The following SHPRH variants were observed in gnomAD, a reference collection of about 807,000 sequenced individuals.
SHPRH encodes the protein E3 ubiquitin-protein ligase SHPRH.
Under a neutral mutation model 202.5 loss-of-function variants are expected in SHPRH, and 106 were observed. The observed-to-expected ratio is 0.52, with a 90% confidence interval of 0.45 to 0.62. The LOEUF is 0.62. SHPRH is among the 20% of genes least tolerant of loss of function. The pLI, the probability that SHPRH is intolerant of heterozygous loss-of-function variation, is 0.00. For synonymous variants in SHPRH, 729 were observed against 686.0 expected (o/e 1.06, Z -0.98); for missense variants, 1,710 against 2,020.0 (o/e 0.85, Z 2.94).
intron 8 of SHPRH, 94 bp from the exon 9 acceptor site, chr6:145,943,896 G>C (rs1582791817): frequency 1.4e-5 from 17 of 1,204,304 alleles, no homozygotes; most frequent in Non-Finnish European, 1.1e-6. Context: ...TAATTATGTA[G>C]CAGCCAGTCT....
intron 2 of SHPRH, among the ~76,000 whole-genome samples, chr6:145,866,745 G>C (rs1274183549): frequency 6.6e-6 from 1 of 152,186 alleles, no homozygotes; most frequent in East Asian, 1.9e-4. Flanking sequence ...ACTTATGGAA[G>C]AGAAGGCTTA....
chr6:145,862,749 T>C (rs1215794977), downstream of SHPRH: 2 of 152,214 alleles, frequency 1.3e-5, no homozygotes, highest in African/African-American at 4.8e-5. Flanking sequence ...GAAACAGTAT[T>C]TTCATGTCTG....
At position 145,947,640 on chromosome 6, in the gene SHPRH, G is replaced by A; in HGVS notation, c.1065C>T (p.Ile355=). 1 of 1,611,882 alleles carries A rather than the reference G, an allele frequency of 6.2e-7. No homozygotes were observed. The highest frequency in any genetic ancestry group is 2.2e-5 in the East Asian group (1 of 44,834). The change falls in exon 6 of 30, where the codon ATC becomes ATT. Residue 355 remains isoleucine (I), a synonymous_variant. Coordinates refer to ENST00000275233, the MANE Select transcript of SHPRH (RefSeq NM_001042683.3). ...KLYYNPYTGC[I]IREYPNSGPQ... is the part of the protein sequence containing the mutation. ...GCCCAGAATTTGGGTACTCACGAAT[G>A]ATGCTGAGGAAAAAAACAAGATAAA...
chr6:145,898,820 T>C (rs1188839780), intron 25 of SHPRH, among the ~76,000 whole-genome samples: 2 of 152,088 alleles, frequency 1.3e-5, no homozygotes, highest in Non-Finnish European at 2.9e-5. Flanking sequence ...TAATCCTCTT[T>C]TTTCTTTTTG....
chr6:145,929,212 T>C (rs1785186279), intron 14 of SHPRH, among the ~76,000 whole-genome samples: 1 of 151,940 alleles, frequency 6.6e-6, no homozygotes, highest in African/African-American at 2.4e-5. Flanking sequence ...AAGTCAAATT[T>C]GGAAATACCC....
chr6:145,958,359 T>G (rs1014575928), intron 1 of SHPRH, among the ~76,000 whole-genome samples: 29 of 152,104 alleles, frequency 1.9e-4, no homozygotes, highest in Admixed American at 1.2e-3. Context: ...TTTAGAAATT[T>G]TAATATTAAG....
chr6:145,916,277 A>C (rs1031456678), intron 23 of SHPRH, among the ~76,000 whole-genome samples: 4 of 152,130 alleles, frequency 2.6e-5, no homozygotes, highest in African/African-American at 7.2e-5. Context: ...AAAAATCTGT[A>C]ATCTAAAACG....
intron 2 of SHPRH, among the ~76,000 whole-genome samples, chr6:145,878,626 TTGAC>T (rs1158473536): frequency 6.6e-6 from 1 of 152,218 alleles, no homozygotes; most frequent in East Asian, 1.9e-4. Flanking sequence ...CTTTCTGTTG[TTGAC>T]TATCACTTTT....
At chr6:145,910,273 C>A in intron 25 of SHPRH, 175 bp downstream of exon 25, 1 of 636,088 alleles carries the variant, frequency 1.6e-6, no homozygotes. Context: ...GTTCCTCCTA[C>A]AATTAAAAAT....
downstream of SHPRH, among the ~76,000 whole-genome samples, chr6:145,880,560 T>C (rs949630188): frequency 1.3e-5 from 2 of 151,044 alleles, no homozygotes; most frequent in Non-Finnish European, 2.9e-5. Context: ...CCCTGGGAGG[T>C]TGAGGCTGCA....
intron 13 of SHPRH, among the ~76,000 whole-genome samples, chr6:145,934,441 G>A (rs1433276070): frequency 7.3e-6 from 1 of 137,892 alleles, no homozygotes; most frequent in African/African-American, 3.2e-5. Context: ...ACTCCAGCCT[G>A]GGCAACAAGA....
intron 1 of SHPRH, 104 bp from the exon 2 acceptor site, chr6:145,955,458 T>A (rs1788411573): frequency 1.8e-6 from 2 of 1,130,564 alleles, no homozygotes; most frequent in South Asian, 1.7e-5. Context: ...ATAAACATAA[T>A]ATGAAATCTT....
chr6:145,882,914 A>C (rs893336949), downstream of SHPRH, among the ~76,000 whole-genome samples: 1 of 152,216 alleles, frequency 6.6e-6, no homozygotes, highest in African/African-American at 2.4e-5. Context: ...AAGGGTCAGT[A>C]ATCAGAACTG....
At position 145,948,265 on chromosome 6, in the gene SHPRH, G is replaced by A; in HGVS notation, c.1061+7C>T. 6.5e-7 allele frequency: 1 copy of A among 1,544,684 alleles called. No homozygotes were observed. Among genetic ancestry groups the A allele is most frequent in the Non-Finnish European group, 8.7e-7 (1 of 1,147,310 alleles). Reference sequence around the variant, plus strand: ...AAATCAAGCATATAAGTAAAATTTTGCCTTACCAGCCTGTATATGGATTAT... The same window carrying A: ...AAATCAAGCATATAAGTAAAATTTTACCTTACCAGCCTGTATATGGATTAT... On this transcript the variant is annotated splice_region_variant and intron_variant, in intron 5 of 29. Transcript: ENST00000275233.
At chr6:145,950,518 T>A (rs750904188) in intron 3 of SHPRH, 36 bp from the exon 4 acceptor site, 1 of 1,593,140 alleles carries the variant, frequency 6.3e-7, no homozygotes, top group East Asian at 2.2e-5. Flanking sequence ...CAAAAACTGA[T>A]AGGTTTTTTC....
At chr6:145,944,202 ATC>A in intron 8 of SHPRH, among the ~76,000 whole-genome samples, 1 of 152,270 alleles carries the variant, frequency 6.6e-6, no homozygotes, top group Middle Eastern at 3.4e-3. Flanking sequence ...GTAAAAGATA[ATC>A]CACTGGTTAC....
intron 1 of SHPRH, among the ~76,000 whole-genome samples, chr6:145,955,988 G>A (rs1401038766): frequency 3.3e-5 from 5 of 151,910 alleles, no homozygotes; most frequent in African/African-American, 1.2e-4. Flanking sequence ...TTATGCAGAT[G>A]GAAATGCAAC....
rs200904161 is a variant in SHPRH at position 145,887,529 on chromosome 6, G to GTTTTTTTTTTTTT, written c.4955+490_4955+491insAAAAAAAAAAAAA. ...TTGACACCACAATTAACCTTAACAA[G>GTTTTTTTTTTTTT]TTTGTTTTTTTTTTTTTTTTTTTTG... On this transcript the variant is annotated intron_variant, in intron 29 of 29. Transcript: ENST00000275233. Among the ~76,000 whole-genome samples, 3 of 130,134 alleles carry GTTTTTTTTTTTTT rather than the reference G, an allele frequency of 2.3e-5. 1 individual carries two copies. Among genetic ancestry groups the GTTTTTTTTTTTTT allele is most frequent in the Non-Finnish European group, 4.9e-5 (3 of 60,712 alleles). The allele number at this position is 130,134 out of a possible 152,430, so 85.4% of individuals were successfully genotyped here. A position where few individuals can be genotyped will look rare whatever the true frequency, so the allele number is the denominator to read the frequency against.
At chr6:145,890,559 TTTGCTGC>T (rs1781487138) in intron 28 of SHPRH, among the ~76,000 whole-genome samples, 1 of 152,152 alleles carries the variant, frequency 6.6e-6, no homozygotes. Flanking sequence ...ATTTGTTACC[TTTGCTGC>T]TTCCTTCTCC....
Sources: gnomAD v4.1 joint callset for allele counts (sites outside exome capture counted in the v4.1 genomes callset) on GRCh38, gnomAD v4.1.1 for gene constraint, MANE v1.5 for transcripts, NCBI Gene and HGNC (gene_info 2026-07-23, HGNC 2026-07-21) for gene names.